Variants in ABR observed in about 807,000 individuals in gnomAD.
ABR encodes ABR activator of RhoGEF and GTPase, also known as active breakpoint cluster region-related protein.
ABR carries 35 observed loss-of-function variants against 107.2 expected under a neutral mutation model. That is an observed-to-expected ratio of 0.33 (90% CI 0.25 to 0.43). The LOEUF (loss-of-function observed/expected upper bound fraction) is 0.43, where lower values mean the gene tolerates loss of function less well. Among genes scored for constraint, ABR ranks in the 20% least tolerant of loss-of-function variants. The pLI, the probability that ABR is intolerant of heterozygous loss-of-function variation, is 1.00. For synonymous variants in ABR, 498 were observed against 462.0 expected (o/e 1.08, Z -1.00); for missense variants, 815 against 1,115.2 (o/e 0.73, Z 3.83).
chr17:1,193,092 C>T (rs568955952), intron 1 of ABR, among the ~76,000 whole-genome samples: 9 of 152,132 alleles, frequency 5.9e-5, no homozygotes, highest in South Asian at 2.1e-4. Flanking sequence ...CAGAGGCAGA[C>T]GTGGAAATGG....
intron 1 of ABR, among the ~76,000 whole-genome samples, chr17:1,195,515 G>C (rs932396860): frequency 6.6e-6 from 1 of 151,714 alleles, no homozygotes; most frequent in Non-Finnish European, 1.5e-5. Flanking sequence ...GCATTTTAAA[G>C]AAAATTATTG....
At position 1,011,825 on chromosome 17, in the gene ABR, G is replaced by A. The variant is rs181578876; in HGVS notation, c.2101+21C>T. On this transcript the variant is annotated intron_variant, in intron 19 of 22. Coordinates refer to ENST00000302538, the MANE Select transcript of ABR (RefSeq NM_021962.5). This position sits in a 1 kb window ranked among gnomAD's most constrained non-coding sequence, Gnocchi z 4.8. ...GCTCAGACACAGCCACACCTGCCCCGGCTGGGCCTCCCAGACTCACTGGCA... is the reference window on the plus strand; with the variant it reads ...GCTCAGACACAGCCACACCTGCCCCAGCTGGGCCTCCCAGACTCACTGGCA... 1.1e-3 allele frequency: 1,705 copies of A among 1,555,664 alleles called. 3 individuals are homozygous for A. The highest frequency in any genetic ancestry group is 3.6e-3 in the Middle Eastern group (21 of 5,784).
chr17:1,185,654 TA>T (rs775804045), intron 1 of ABR, among the ~76,000 whole-genome samples: 5,843 of 39,372 alleles, frequency 0.15, 206 homozygotes, highest in African/African-American at 0.23. Context: ...CAGAAAGAAA[TA>T]AAAAAAAAAA....
rs771258871 is a variant in ABR, at chr17:1,011,823, C to T, written c.2101+23G>A. On this transcript the variant is annotated intron_variant, in intron 19 of 22. Coordinates refer to ENST00000302538, the MANE Select transcript of ABR (RefSeq NM_021962.5). The surrounding 1 kb of genome is among the most constrained non-coding windows in gnomAD (Gnocchi z 4.8). Reference sequence around the variant, plus strand: ...CTGCTCAGACACAGCCACACCTGCCCCGGCTGGGCCTCCCAGACTCACTGG... The same window carrying T: ...CTGCTCAGACACAGCCACACCTGCCTCGGCTGGGCCTCCCAGACTCACTGG... The T allele has an allele frequency of 6.4e-7, 1 of 1,554,716 alleles. No individual in the cohort carries two copies. The highest frequency in any genetic ancestry group is 8.7e-7 in the Non-Finnish European group (1 of 1,143,400).
chr17:1,030,304 C>T (rs1257985037), intron 16 of ABR, among the ~76,000 whole-genome samples: 5 of 152,254 alleles, frequency 3.3e-5, no homozygotes, highest in African/African-American at 4.8e-5. Flanking sequence ...GTTTGGCTGG[C>T]GCTGGACCCG....
chr17:1,208,230 A>C lies in ABR; in HGVS notation c.838+20563T>G, dbSNP rs552938175. ...GTGGAAAGGAAATGGTGGATACTAG[A>C]ACTTGTTCTTCCTGGCCTTCCTGGG... On this transcript the variant is annotated intron_variant, in intron 1 of 22. Transcript: ENST00000574139. Among the ~76,000 whole-genome samples the C allele has an allele frequency of 5.8e-4, 89 of 152,226 alleles. 1 individual carries two copies. In the Middle Eastern group the frequency reaches 0.014, roughly 23 times the overall value.
At chr17:1,086,407 C>T (rs531027872) in intron 4 of ABR, among the ~76,000 whole-genome samples, 66 of 152,208 alleles carry the variant, frequency 4.3e-4, no homozygotes, top group Non-Finnish European at 6.0e-4. Flanking sequence ...AGCTCCAAAA[C>T]GAACATGGGT....
chr17:1,146,293 A>ACACACACAT (rs2040525173), intron 1 of ABR, among the ~76,000 whole-genome samples: 1 of 148,956 alleles, frequency 6.7e-6, no homozygotes, highest in Non-Finnish European at 1.5e-5. Flanking sequence ...ACACACACAC[A>ACACACACAT]CACATCACAT....
chr17:1,084,020 G>A lies in ABR; in HGVS notation c.532-393C>T, dbSNP rs118135179. ...TTAGCCGGAGCAGGGAGAGAGGGGG[G>A]TGTGTGTGCTGGGGGGAGCTGGCAC... On this transcript the variant is annotated intron_variant, in intron 4 of 22. Transcript: ENST00000302538. The surrounding 1 kb of genome is among the most constrained non-coding windows in gnomAD (Gnocchi z 4.2). 0.014 allele frequency among the ~76,000 whole-genome samples: 2,174 copies of A among 152,238 alleles called. 30 individuals carry two copies. The highest frequency in any genetic ancestry group is 0.045 in the Middle Eastern group (13 of 292).
chr17:1,079,732 T>C (rs1195796864), intron 5 of ABR, among the ~76,000 whole-genome samples: 1 of 130,314 alleles, frequency 7.7e-6, no homozygotes, highest in Admixed American at 9.9e-5. Context: ...GAGGTTGCAG[T>C]GAGCCAAGAT....
In ABR at chr17:1,131,023, G is replaced by A. The variant is rs144260896; in HGVS notation, c.62-5656C>T. ...GGCAGCATTAAGCCACAAATGCAGCGCCTGACACGCACACAGCTCTCCCCT... is the reference window on the plus strand; with the variant it reads ...GGCAGCATTAAGCCACAAATGCAGCACCTGACACGCACACAGCTCTCCCCT... On this transcript the variant is annotated intron_variant, in intron 1 of 22. Transcript: ENST00000302538. Among the ~76,000 whole-genome samples the A allele has an allele frequency of 2.5e-3, 383 of 152,338 alleles. 3 individuals carry two copies. The highest frequency in any genetic ancestry group is 8.9e-3 in the African/African-American group (368 of 41,564).
At chr17:1,156,272 C>T (rs2041037257) in intron 1 of ABR, 1 of 152,204 alleles carries the variant, frequency 6.6e-6, no homozygotes. Flanking sequence ...GAGAGGGAAC[C>T]TGGGGCCAGG....
chr17:1,110,079 C>G (rs981304574), intron 2 of ABR, among the ~76,000 whole-genome samples: 2 of 151,064 alleles, frequency 1.3e-5, no homozygotes, highest in Non-Finnish European at 3.0e-5. Context: ...CACCCCACCG[C>G]AGGGAGCCAT....
Position 1,179,719 on chromosome 17 carries a change from C to A in ABR, c.9G>T (p.Pro3=). 2 of 1,533,532 alleles carry A rather than the reference C, an allele frequency of 1.3e-6. No homozygotes were observed. The highest frequency in any genetic ancestry group is 2.6e-5 in the East Asian group (1 of 38,492). 95.0% of individuals were successfully genotyped at this position (1,533,532 alleles called of 1,614,324 possible). The change falls in exon 1 of 23, where the codon CCG becomes CCT. Residue 3 remains proline, a synonymous_variant. Transcript: ENST00000302538. This position sits in a 1 kb window ranked among gnomAD's most constrained non-coding sequence, Gnocchi z 4.9. ME[P]LSHRGLPRLS... is the part of the protein sequence containing the mutation. ...GGCGCGGCAGGCCCCGGTGGCTGAG[C>A]GGCTCCATCCCGCGGCGGCGGCTCG...
chr17:1,188,899 C>G (rs558136055), upstream of ABR, among the ~76,000 whole-genome samples: 4 of 152,318 alleles, frequency 2.6e-5, no homozygotes, highest in South Asian at 8.3e-4. Flanking sequence ...GCACACACAC[C>G]CCTGAAATCA....
intron 1 of ABR, among the ~76,000 whole-genome samples, chr17:1,220,986 G>A (rs748829932): frequency 7.2e-5 from 11 of 152,276 alleles, no homozygotes; most frequent in African/African-American, 9.6e-5. Context: ...CTTGCACAGG[G>A]CCGTGGCTCC....
intron 1 of ABR, among the ~76,000 whole-genome samples, chr17:1,203,732 G>A (rs1194315450): frequency 6.6e-6 from 1 of 152,022 alleles, no homozygotes; most frequent in African/African-American, 2.4e-5. Flanking sequence ...GCGCAGGAAG[G>A]CGGATGGCGC....
chr17:1,214,302 C>A (rs1357426726), intron 1 of ABR, among the ~76,000 whole-genome samples: 1 of 148,696 alleles, frequency 6.7e-6, no homozygotes, highest in Non-Finnish European at 1.5e-5. Context: ...TTTTGGCTTT[C>A]ATCAGTTTTT....
chr17:1,010,519 C>T lies in ABR; in HGVS notation c.2236+210G>A. ...GGGCTGCCCATGGGGACATCAGGGG[C>T]AAGAGGCAGGCGAGAAAGGGCCCAG... On this transcript the variant is annotated intron_variant, in intron 20 of 22. Transcript: ENST00000302538. The surrounding 1 kb of genome is among the most constrained non-coding windows in gnomAD (Gnocchi z 4.1). 1.6e-6 allele frequency: 1 copy of T among 626,890 alleles called. No homozygotes were observed. The highest frequency in any genetic ancestry group is 2.7e-6 in the Non-Finnish European group (1 of 368,898). The allele number at this position is 626,890 out of a possible 1,614,324, so 38.8% of individuals were successfully genotyped here.
Sources: gnomAD v4.1 joint callset for allele counts (sites outside exome capture counted in the v4.1 genomes callset) on GRCh38, gnomAD v4.1.1 for gene constraint, Gnocchi (gnomAD v3.1) non-coding constraint, MANE v1.5 for transcripts, NCBI Gene and HGNC (gene_info 2026-07-23, HGNC 2026-07-21) for gene names.